ABCB5: variants seen among roughly 807,000 people sequenced by gnomAD.
ABCB5 encodes ATP binding cassette subfamily B member 5.
ABCB5 carries 155 observed loss-of-function variants against 144.2 expected under a neutral mutation model. The observed-to-expected ratio is 1.08, with a 90% CI of 0.94 to 1.23. The LOEUF is 1.23. Ranked by LOEUF, ABCB5 falls within the 50% of genes most tolerant of loss-of-function variation. ABCB5 has a pLI of 0.00. For synonymous variants in ABCB5, 610 were observed against 528.6 expected (o/e 1.15, Z -2.11); for missense variants, 1,830 against 1,520.8 (o/e 1.20, Z -3.38).
At chr7:20,717,861 A>G (rs1178056826) in intron 20 of ABCB5, among the ~76,000 whole-genome samples, 2 of 135,644 alleles carry the variant, frequency 1.5e-5, no homozygotes, top group Non-Finnish European at 1.6e-5. Flanking sequence ...ATCTCCAAAT[A>G]CGGTAACATT....
chr7:20,638,614 A>G (rs1435165943), intron 5 of ABCB5, among the ~76,000 whole-genome samples: 1 of 152,202 alleles, frequency 6.6e-6, no homozygotes, highest in Non-Finnish European at 1.5e-5. Context: ...TATAATATGT[A>G]AGGTTCTTGT....
chr7:20,678,074 G>T (rs1785672236), intron 14 of ABCB5, among the ~76,000 whole-genome samples: 1 of 152,068 alleles, frequency 6.6e-6, no homozygotes, highest in Non-Finnish European at 1.5e-5. Context: ...ACTGAGATGA[G>T]AAAAATATAA....
intron 20 of ABCB5, among the ~76,000 whole-genome samples, chr7:20,722,328 T>C (rs1781894076): frequency 6.6e-6 from 1 of 152,170 alleles, no homozygotes; most frequent in Admixed American, 6.6e-5. Context: ...GGAAATCCTG[T>C]AACTTCAGCT....
At chr7:20,695,969 T>C (rs1021170778) in intron 16 of ABCB5, among the ~76,000 whole-genome samples, 27 of 151,956 alleles carry the variant, frequency 1.8e-4, no homozygotes, top group African/African-American at 6.5e-4. Flanking sequence ...CTGGTGGGAG[T>C]ATAAAATGCT....
chr7:20,644,829 T>C (rs1784367812), intron 7 of ABCB5, among the ~76,000 whole-genome samples: 1 of 152,340 alleles, frequency 6.6e-6, no homozygotes, highest in East Asian at 1.9e-4. Flanking sequence ...CCCTTAACAA[T>C]AGGCTTGGAG....
intron 16 of ABCB5, among the ~76,000 whole-genome samples, chr7:20,690,977 T>C (rs1428533372): frequency 1.3e-5 from 2 of 152,104 alleles, no homozygotes; most frequent in Non-Finnish European, 2.9e-5. Context: ...CTTTCCTGCT[T>C]GATAGAACTA....
At chr7:20,700,034 G>A (rs751808261) in intron 18 of ABCB5, 24 bp from the exon 19 acceptor site, 1 of 1,610,520 alleles carries the variant, frequency 6.2e-7, no homozygotes, top group Non-Finnish European at 8.5e-7. Flanking sequence ...AAAGAACGTA[G>A]ATTTTTGTTT....
rs1785665867 is a variant in ABCB5 at position 20,677,838 on chromosome 7, T to C, written c.1708-3667T>C. Among the ~76,000 whole-genome samples the C allele has an allele frequency of 2.6e-5, 4 of 152,232 alleles. No homozygotes were observed. In the South Asian group the frequency reaches 8.3e-4, roughly 32 times the overall value. On this transcript the variant is annotated intron_variant, in intron 14 of 27. Transcript: ENST00000404938. The stretch of plus-strand genomic sequence containing the variant: ...TATCTGTTATGTGGGAAAAACCAGC[T>C]GAAGTAGACTCACATTGAATCCTTT...
intron 20 of ABCB5, among the ~76,000 whole-genome samples, chr7:20,712,224 T>TC (rs71020673): frequency 0.019 from 2,775 of 146,562 alleles, 188 homozygotes; most frequent in African/African-American, 0.063. Context: ...TTTGATTTTT[T>TC]CAACCAAGAA....
intron 13 of ABCB5, among the ~76,000 whole-genome samples, chr7:20,652,782 C>A (rs942040321): frequency 1.3e-5 from 2 of 152,192 alleles, no homozygotes; most frequent in African/African-American, 4.8e-5. Flanking sequence ...TTGTGCGGAG[C>A]ACCTTGTTAC....
intron 11 of ABCB5, among the ~76,000 whole-genome samples, chr7:20,649,288 A>C (rs1447049010): frequency 6.6e-6 from 1 of 152,152 alleles, no homozygotes; most frequent in Non-Finnish European, 1.5e-5. Flanking sequence ...CAAAGGGTCC[A>C]TTGCTTTACA....
At chr7:20,715,440 T>G (rs1781641255) in intron 20 of ABCB5, among the ~76,000 whole-genome samples, 1 of 152,112 alleles carries the variant, frequency 6.6e-6, no homozygotes, top group Non-Finnish European at 1.5e-5. Flanking sequence ...AAACAGGGTC[T>G]CACTCTGTCA....
At chr7:20,711,796 C>CTTTG (rs574764565) in intron 20 of ABCB5, among the ~76,000 whole-genome samples, 4 of 37,482 alleles carry the variant, frequency 1.1e-4, no homozygotes, top group Non-Finnish European at 1.6e-4. Context: ...TTCTTTCTTT[C>CTTTG]TTTCTTTCTT....
chr7:20,754,779 T>G (rs969352741), intron 27 of ABCB5, among the ~76,000 whole-genome samples: 2 of 152,194 alleles, frequency 1.3e-5, no homozygotes, highest in African/African-American at 4.8e-5. Flanking sequence ...TTGAATAGTA[T>G]TAGAACTACT....
At chr7:20,666,995 T>C (rs1785219250) in intron 14 of ABCB5, 1 of 793,956 alleles carries the variant, frequency 1.3e-6, no homozygotes, top group South Asian at 3.0e-5. Flanking sequence ...TTGTTCACTA[T>C]GAGGAGTATA....
intron 1 of ABCB5, among the ~76,000 whole-genome samples, chr7:20,619,533 G>GT (rs140774341): frequency 0.047 from 7,163 of 151,354 alleles, 534 homozygotes; most frequent in African/African-American, 0.15. Flanking sequence ...GGGGTTATTT[G>GT]TTTTTTTGCT....
Position 20,651,662 on chromosome 7 carries a change from G to A in ABCB5, c.1536+39G>A, listed in dbSNP as rs750441174. The A allele has an allele frequency of 3.1e-6, 5 of 1,594,492 alleles. No individual in the cohort carries two copies. In the Admixed American group the frequency reaches 5.0e-5, roughly 16 times the overall value. ...GCAGCCTGTGTCCTTAGCTTATGGT[G>A]GCAGCGCTGCGACATTCCAATATAA... On this transcript the variant is annotated intron_variant, in intron 13 of 27. Coordinates refer to ENST00000404938, the MANE Select transcript of ABCB5 (RefSeq NM_001163941.2).
At chr7:20,743,496 T>C (rs552339190) in intron 25 of ABCB5, among the ~76,000 whole-genome samples, 2 of 152,314 alleles carry the variant, frequency 1.3e-5, no homozygotes, top group East Asian at 1.9e-4. Context: ...CAAAACTTTA[T>C]GCACGGTTAA....
Position 20,739,067 on chromosome 7 carries a change from G to C in ABCB5, c.2952G>C (p.Gly984=). The C allele has an allele frequency of 6.2e-7, 1 of 1,612,076 alleles. No homozygotes were observed. Among genetic ancestry groups the C allele is most frequent in the Non-Finnish European group, 8.5e-7 (1 of 1,179,166 alleles). Residue 984 remains glycine (G), a synonymous_variant, in exon 24 of 28, where the codon GGG becomes GGC. Transcript: ENST00000404938. ...LAPEYSKAKS[G]AAHLFALLEK... is the part of the protein sequence containing the mutation. ...CTGAATATTCCAAAGCCAAATCGGG[G>C]GCTGCGCATCTGTTTGCCTTGTTGG... is the stretch of plus-strand genomic sequence containing the variant.
Sources: gnomAD v4.1 joint callset for allele counts (sites outside exome capture counted in the v4.1 genomes callset) on GRCh38, gnomAD v4.1.1 for gene constraint, MANE v1.5 for transcripts, NCBI Gene and HGNC (gene_info 2026-07-23, HGNC 2026-07-21) for gene names.